ZNF226: variants seen among roughly 807,000 people sequenced by gnomAD.
The protein encoded by ZNF226 is Kruppel-associated box protein.
A neutral mutation model predicts 11.4 loss-of-function variants in ZNF226; 6 were observed. That is an observed-to-expected ratio of 0.53 (90% CI 0.29 to 1.04). The LOEUF is 1.04. Ranked by LOEUF, ZNF226 falls within the 50% of genes least tolerant of loss-of-function variation. The probability of loss-of-function intolerance (pLI) is 0.08; values close to 1 mark genes in which losing one functional copy is unlikely to be tolerated. For missense variants in ZNF226, 1,058 were observed against 956.5 expected (o/e 1.11, Z -1.40); for synonymous variants, 350 against 322.8 (o/e 1.08, Z -0.90).
Position 44,168,998 on chromosome 19 carries a change from CTTTTTTT to C in ZNF226, c.-46-1015_-46-1009del, listed in dbSNP as rs34967576. ...TATAGACTCAGGTTCCTCCCTTTTC[CTTTTTTT>C]TTTTTTTTTTTTTTTTTTTTTGAGA... On this transcript the variant is annotated intron_variant, in intron 2 of 5. Coordinates refer to ENST00000337433, the MANE Select transcript of ZNF226 (RefSeq NM_001032373.2). 4.3e-3 allele frequency among the ~76,000 whole-genome samples: 392 copies of C among 90,724 alleles called. 2 individuals are homozygous for C. The highest frequency in any genetic ancestry group is 6.3e-3 in the Admixed American group (48 of 7,614). 59.5% of individuals were successfully genotyped at this position (90,724 alleles called of 152,430 possible).
rs1233557338 is a variant in ZNF226 at position 44,165,737 on chromosome 19, A to G, written c.-97-20A>G. 6.6e-6 allele frequency: 1 copy of G among 152,262 alleles called. No individual in the cohort carries two copies. The highest frequency in any genetic ancestry group is 2.4e-5 in the African/African-American group (1 of 41,444). The allele number at this position is 152,262 out of a possible 1,614,324, so 9.4% of individuals were successfully genotyped here. A position where few individuals can be genotyped will look rare whatever the true frequency, so the allele number is the denominator to read the frequency against. ...GAAGACACAATCCTGGTTACTTCAT[A>G]GCCTGTTTTTCTTCCCCAGCCCTGA... On this transcript the variant is annotated intron_variant, in intron 1 of 5. Coordinates refer to ENST00000337433, the MANE Select transcript of ZNF226 (RefSeq NM_001032373.2).
the ZNF226 span, among the ~76,000 whole-genome samples, chr19:44,196,290 A>G: frequency 6.6e-6 from 1 of 152,218 alleles, no homozygotes; most frequent in Admixed American, 6.5e-5. Context: ...AATATTCTTC[A>G]AGATTTTTCT....
Position 44,176,238 on chromosome 19 carries a change from C to G in ZNF226, c.976C>G (p.Gln326Glu). 1 of 1,614,124 alleles carries G rather than the reference C, an allele frequency of 6.2e-7. No homozygotes were observed. Among genetic ancestry groups the G allele is most frequent in the Non-Finnish European group, 8.5e-7 (1 of 1,180,012 alleles). Residue 326 changes from glutamine (Q) to glutamate (E), a missense_variant, in exon 6 of 6, where the codon CAG becomes GAG. Coordinates refer to ENST00000337433, the MANE Select transcript of ZNF226 (RefSeq NM_001032373.2). ...FSQGAHLQTHQKVHVIEKPYK... is the reference protein window; with the variant it reads ...FSQGAHLQTHEKVHVIEKPYK... The stretch of plus-strand genomic sequence containing the variant: ...TCAGGGCGCTCATCTACAGACCCAT[C>G]AGAAAGTCCACGTGATAGAGAAACC...
intron 2 of ZNF226, 32 bp downstream of exon 2, chr19:44,165,839 T>A (rs1969304299): frequency 2.0e-5 from 3 of 152,282 alleles, no homozygotes; most frequent in Admixed American, 2.0e-4. Context: ...TCTTGTTTTA[T>A]TCACATAAAT....
rs1970270674 is a variant in ZNF226, at chr19:44,172,913, T to A, written c.196T>A (p.Trp66Arg). ...ACCTATAGAAAGAAATGAGCAGCTT[T>A]GGATAATGACGACAGCAACCCGAAG... ...VSPIERNEQL[W>R]IMTTATRRQG... The change falls in exon 5 of 6, where the codon TGG becomes AGG. Residue 66 changes from tryptophan (W) to arginine (R), a missense_variant. Trp to Arg is a moderately radical substitution (Grantham distance 101). Transcript: ENST00000337433. The A allele has an allele frequency of 1.2e-6, 2 of 1,606,026 alleles. No homozygotes were observed. Among genetic ancestry groups the A allele is most frequent in the African/African-American group, 2.7e-5 (2 of 74,866 alleles).
At chr19:44,171,702 C>G (rs948422003) in intron 3 of ZNF226, among the ~76,000 whole-genome samples, 2 of 152,154 alleles carry the variant, frequency 1.3e-5, no homozygotes, top group Non-Finnish European at 2.9e-5. Context: ...ATTCAGAAAC[C>G]TGACATGCCC....
intron 5 of ZNF226, chr19:44,175,182 C>A: frequency 6.9e-7 from 1 of 1,441,720 alleles, no homozygotes. Context: ...GTGAGCACTA[C>A]AAAATGTTTT....
the ZNF226 span, among the ~76,000 whole-genome samples, chr19:44,186,979 C>A: frequency 1.3e-5 from 2 of 151,304 alleles, no homozygotes; most frequent in Non-Finnish European, 3.0e-5. Flanking sequence ...CTTGCCTGAT[C>A]ATGACCTGTG....
downstream of ZNF226, among the ~76,000 whole-genome samples, chr19:44,183,362 C>G (rs1297783906): frequency 6.6e-6 from 1 of 152,158 alleles, no homozygotes; most frequent in Non-Finnish European, 1.5e-5. Context: ...TGCAGAATTG[C>G]ACCAGCTGCA....
In ZNF226 at chr19:44,176,812, A is replaced by G. The variant is rs1970726851; in HGVS notation, c.1550A>G (p.His517Arg). Reference sequence around the variant, plus strand: ...GGGAAGAGCTTCAGGAGGAATTCCCATTATCAAGTTCATCTAGTGGTCCAC... The same window carrying G: ...GGGAAGAGCTTCAGGAGGAATTCCCGTTATCAAGTTCATCTAGTGGTCCAC... ...ECGKSFRRNS[H>R]YQVHLVVHTG... Residue 517 changes from histidine to arginine, a missense_variant, in exon 6 of 6, where the codon CAT (histidine) becomes CGT (arginine). Coordinates refer to ENST00000337433, the MANE Select transcript of ZNF226 (RefSeq NM_001032373.2). 6.2e-7 allele frequency: 1 copy of G among 1,614,078 alleles called. No individual in the cohort carries two copies. The highest frequency in any genetic ancestry group is 2.2e-5 in the East Asian group (1 of 44,862).
At chr19:44,187,996 T>C in the ZNF226 span, among the ~76,000 whole-genome samples, 1 of 152,168 alleles carries the variant, frequency 6.6e-6, no homozygotes, top group African/African-American at 2.4e-5. This position sits in a 1 kb window ranked among gnomAD's most constrained non-coding sequence, Gnocchi z 4.0. Context: ...AGATACTTTG[T>C]ATAATTTCAG....
At chr19:44,193,111 TCA>T in the ZNF226 span, among the ~76,000 whole-genome samples, 1 of 152,114 alleles carries the variant, frequency 6.6e-6, no homozygotes, top group African/African-American at 2.4e-5. Context: ...TTTACCTAAG[TCA>T]CACAAATTTT....
chr19:44,176,113 A>AGCGTGGAAAAGGCTT lies in ZNF226; in HGVS notation c.852_866dup (p.Gly288_Phe289insLeuArgGlyLysGly), dbSNP rs1433434992. On this transcript the variant is annotated inframe_insertion, in exon 6 of 6. Coordinates refer to ENST00000337433, the MANE Select transcript of ZNF226 (RefSeq NM_001032373.2). The stretch of plus-strand genomic sequence containing the variant: ...GGAGAGAAGTCTCTTACATGTGTTG[A>AGCGTGGAAAAGGCTT]GCGTGGAAAAGGCTTCTGTTACAGC... The AGCGTGGAAAAGGCTT allele has an allele frequency of 1.2e-6, 2 of 1,614,170 alleles. No individual in the cohort carries two copies. The highest frequency in any genetic ancestry group is 1.6e-4 in the Middle Eastern group (1 of 6,062).
chr19:44,191,896 A>T, the ZNF226 span, among the ~76,000 whole-genome samples: 1 of 152,218 alleles, frequency 6.6e-6, no homozygotes, highest in African/African-American at 2.4e-5. Context: ...CAAAAGATAA[A>T]AACCTTCTAC....
chr19:44,191,258 A>T, the ZNF226 span, among the ~76,000 whole-genome samples: 1 of 152,198 alleles, frequency 6.6e-6, no homozygotes, highest in Non-Finnish European at 1.5e-5. Flanking sequence ...GATGTCAAAG[A>T]CTTAGAATAA....
chr19:44,193,015 A>C, the ZNF226 span, among the ~76,000 whole-genome samples: 2 of 152,126 alleles, frequency 1.3e-5, no homozygotes, highest in East Asian at 3.8e-4. Flanking sequence ...TTGTCTGACA[A>C]ATATATCCAG....
chr19:44,179,300 A>T (rs1007172114), downstream of ZNF226, among the ~76,000 whole-genome samples: 3 of 152,182 alleles, frequency 2.0e-5, no homozygotes, highest in African/African-American at 7.2e-5. Context: ...TTTCACATTT[A>T]ACTTCTATAT....
downstream of ZNF226, among the ~76,000 whole-genome samples, chr19:44,179,228 A>G (rs1045105158): frequency 6.6e-6 from 1 of 152,144 alleles, no homozygotes; most frequent in African/African-American, 2.4e-5. Context: ...GTGAGTGAAT[A>G]GTGCATCTAA....
intron 2 of ZNF226, chr19:44,169,470 A>G (rs1969821957): frequency 6.6e-6 from 1 of 152,274 alleles, no homozygotes; most frequent in African/African-American, 2.4e-5. Context: ...CATAGCAACA[A>G]CCTGTGAACT....
Sources: gnomAD v4.1 joint callset for allele counts (sites outside exome capture counted in the v4.1 genomes callset) on GRCh38, gnomAD v4.1.1 for gene constraint, Gnocchi (gnomAD v3.1) non-coding constraint, MANE v1.5 for transcripts, NCBI Gene and HGNC (gene_info 2026-07-23, HGNC 2026-07-21) for gene names.